The following SEM1 variants were observed in gnomAD, a reference collection of about 807,000 sequenced individuals.
The protein encoded by SEM1 is SEM1 26S proteasome subunit.
A neutral mutation model predicts 12.7 loss-of-function variants in SEM1; 3 were observed. That is an observed-to-expected ratio of 0.24 (90% CI 0.11 to 0.61). The LOEUF (loss-of-function observed/expected upper bound fraction) is 0.61, where lower values mean the gene tolerates loss of function less well. SEM1 is among the 20% of genes least tolerant of loss of function. The pLI, the probability that SEM1 is intolerant of heterozygous loss-of-function variation, is 0.88. For missense variants in SEM1, 59 were observed against 81.3 expected, an observed-to-expected ratio of 0.73 and a Z score of 1.06; for synonymous variants, 30 against 27.8, an observed-to-expected ratio of 1.08 and a Z score of -0.25.
chr7:96,493,972 C>T (rs62470040), intron 1 of SEM1, among the ~76,000 whole-genome samples: 17,824 of 152,120 alleles, frequency 0.12, 1,072 homozygotes, highest in South Asian at 0.18. Flanking sequence ...TTGTCCTGTA[C>T]TTTTTGTGAG....
chr7:96,682,801 T>C (rs907896180), intron 2 of SEM1, among the ~76,000 whole-genome samples: 3 of 151,994 alleles, frequency 2.0e-5, no homozygotes, highest in Non-Finnish European at 4.4e-5. Flanking sequence ...GTATCCTTTG[T>C]CTATCTTTGG....
downstream of SEM1, among the ~76,000 whole-genome samples, chr7:96,686,931 C>T (rs1789775093): frequency 6.6e-6 from 1 of 152,052 alleles, no homozygotes; most frequent in Admixed American, 6.6e-5. Context: ...TGAACTCAAA[C>T]AAATTTACAA....
intron 2 of SEM1, among the ~76,000 whole-genome samples, chr7:96,564,280 G>A (rs545932333): frequency 1.3e-5 from 2 of 151,790 alleles, no homozygotes; most frequent in South Asian, 4.2e-4. Flanking sequence ...TTATAAATCA[G>A]GGTAGAACAA....
At chr7:96,615,928 T>G (rs1280466883) in intron 2 of SEM1, among the ~76,000 whole-genome samples, 1 of 152,238 alleles carries the variant, frequency 6.6e-6, no homozygotes, top group Non-Finnish European at 1.5e-5. Flanking sequence ...ATGAACATTT[T>G]CTTCATATAA....
intron 2 of SEM1, among the ~76,000 whole-genome samples, chr7:96,584,017 T>A (rs1484945350): frequency 6.6e-6 from 1 of 152,062 alleles, no homozygotes; most frequent in African/African-American, 2.4e-5. Flanking sequence ...GTCATTATGT[T>A]AGCTGGTTAT....
exon 2 of SEM1, chr7:96,486,315 G>C (rs78670506): frequency 0.014 from 21,815 of 1,537,058 alleles, 199 homozygotes; most frequent in Non-Finnish European, 0.016. Flanking sequence ...CCTCTGGCCC[G>C]CTGAGCTGGG....
chr7:96,698,426 C>CTT (rs111934061), intron 1 of SEM1, among the ~76,000 whole-genome samples: 1 of 151,520 alleles, frequency 6.6e-6, no homozygotes, highest in Non-Finnish European at 1.5e-5. Flanking sequence ...CTTCCCACCC[C>CTT]GACAGGCCCA....
intron 2 of SEM1, among the ~76,000 whole-genome samples, chr7:96,534,644 G>A (rs1423396544): frequency 6.6e-6 from 1 of 151,930 alleles, no homozygotes; most frequent in Non-Finnish European, 1.5e-5. Flanking sequence ...ATCTACAAAG[G>A]TTACTAAATA....
intron 2 of SEM1, among the ~76,000 whole-genome samples, chr7:96,586,500 C>G (rs1320528664): frequency 1.3e-5 from 2 of 152,222 alleles, no homozygotes; most frequent in African/African-American, 4.8e-5. Flanking sequence ...TGTAATCTCA[C>G]AGAATCCTCT....
At chr7:96,690,919 C>T (rs1458745484) in intron 2 of SEM1, among the ~76,000 whole-genome samples, 5 of 152,048 alleles carry the variant, frequency 3.3e-5, no homozygotes, top group African/African-American at 1.2e-4. Flanking sequence ...TACAGGCGCC[C>T]GCCACCAGGC....
chr7:96,694,987 CA>C (rs1790043974), intron 1 of SEM1, 96 bp from the exon 2 acceptor site: 4 of 800,418 alleles, frequency 5.0e-6, no homozygotes, highest in Admixed American at 2.1e-5. Context: ...ACTCACAATT[CA>C]AAAACAGCTA....
intron 2 of SEM1, among the ~76,000 whole-genome samples, chr7:96,588,539 C>G (rs1027930755): frequency 6.6e-6 from 1 of 152,094 alleles, no homozygotes; most frequent in Non-Finnish European, 1.5e-5. Flanking sequence ...TACCACTACT[C>G]TCTTTTCTTT....
intron 2 of SEM1, among the ~76,000 whole-genome samples, chr7:96,656,063 T>C (rs911773657): frequency 1.3e-5 from 2 of 152,178 alleles, no homozygotes; most frequent in South Asian, 2.1e-4. Context: ...CATGCCTCCA[T>C]AGGCTCAGTC....
At chr7:96,571,743 G>C (rs545570325) in intron 2 of SEM1, among the ~76,000 whole-genome samples, 49 of 152,050 alleles carry the variant, frequency 3.2e-4, no homozygotes, top group African/African-American at 1.2e-3. Context: ...AGGTATATTG[G>C]CCTGAAATTT....
Position 96,539,764 on chromosome 7 carries a change from T to C in SEM1, c.171-33066A>G, listed in dbSNP as rs1804892525. ...AGCACTCAGACCAGGGCCTGTTTCA[T>C]GATATGTGCTCAATAAATACTTGTT... is the stretch of plus-strand genomic sequence containing the variant. On this transcript the variant is annotated intron_variant and NMD_transcript_variant, in intron 2 of 3. Transcript: ENST00000466986. Among the ~76,000 whole-genome samples the C allele has an allele frequency of 2.0e-5, 3 of 151,796 alleles. No individual in the cohort carries two copies. In the South Asian group the frequency reaches 6.2e-4, roughly 31 times the overall value.
intron 2 of SEM1, among the ~76,000 whole-genome samples, chr7:96,588,568 A>C (rs1806730914): frequency 6.6e-6 from 1 of 152,114 alleles, no homozygotes; most frequent in Non-Finnish European, 1.5e-5. Flanking sequence ...AACTCTATGT[A>C]TTTAAATAAT....
intron 2 of SEM1, among the ~76,000 whole-genome samples, chr7:96,642,642 T>C (rs2037666): frequency 0.17 from 26,180 of 151,872 alleles, 2,283 homozygotes; most frequent in South Asian, 0.21. Flanking sequence ...TCCTACTAAA[T>C]AATTATTTCT....
intron 2 of SEM1, among the ~76,000 whole-genome samples, chr7:96,545,164 G>A (rs954735527): frequency 1.3e-5 from 2 of 151,886 alleles, no homozygotes; most frequent in African/African-American, 4.8e-5. Context: ...ATGGTATTTG[G>A]GGCTTTTGTT....
At chr7:96,538,347 G>A (rs1804852612) in intron 2 of SEM1, among the ~76,000 whole-genome samples, 1 of 151,876 alleles carries the variant, frequency 6.6e-6, no homozygotes, top group Middle Eastern at 3.4e-3. Context: ...GACTATGTTT[G>A]CCTTTTATAT....
Sources: gnomAD v4.1 joint callset for allele counts (sites outside exome capture counted in the v4.1 genomes callset) on GRCh38, gnomAD v4.1.1 for gene constraint, MANE v1.5 for transcripts, NCBI Gene and HGNC (gene_info 2026-07-23, HGNC 2026-07-21) for gene names.